LRRK2: variants seen among roughly 807,000 people sequenced by gnomAD.
LRRK2 encodes leucine rich repeat kinase 2, also known as leucine-rich repeat serine/threonine-protein kinase 2.
Under a neutral mutation model 302.6 loss-of-function variants are expected in LRRK2, and 203 were observed. That is an observed-to-expected ratio of 0.67 (90% confidence interval 0.60 to 0.75). LRRK2 has a LOEUF of 0.75. Among genes scored for constraint, LRRK2 ranks in the 30% least tolerant of loss-of-function variants. The pLI is 0.00. For missense variants in LRRK2, 2,830 were observed against 2,951.0 expected, an observed-to-expected ratio of 0.96 and a Z score of 0.95; for synonymous variants, 1,066 against 1,031.9, an observed-to-expected ratio of 1.03 and a Z score of -0.63.
intron 3 of LRRK2, 41 bp downstream of exon 3, chr12:40,232,424 T>A: frequency 7.0e-7 from 1 of 1,425,064 alleles, no homozygotes; most frequent in East Asian, 2.3e-5. Flanking sequence ...CCTTGAGTAT[T>A]TATTTGTACA....
intron 46 of LRRK2, among the ~76,000 whole-genome samples, chr12:40,358,766 T>C (rs1477572952): frequency 6.6e-6 from 1 of 152,190 alleles, no homozygotes; most frequent in Non-Finnish European, 1.5e-5. Flanking sequence ...AGAAATATCA[T>C]TGGAGCTTTC....
chr12:40,263,269 G>A (rs981562836), intron 13 of LRRK2, among the ~76,000 whole-genome samples: 2 of 152,128 alleles, frequency 1.3e-5, no homozygotes, highest in Non-Finnish European at 2.9e-5. Flanking sequence ...TTTTAAAATA[G>A]CAATGCTATT....
intron 2 of LRRK2, 130 bp downstream of exon 2, chr12:40,225,770 A>G (rs967917787): frequency 1.3e-6 from 1 of 748,252 alleles, no homozygotes; most frequent in East Asian, 2.7e-5. Flanking sequence ...TCTGACTGTG[A>G]TTTTAAGATG....
intron 2 of LRRK2, among the ~76,000 whole-genome samples, chr12:40,231,946 G>A (rs912639765): frequency 2.0e-5 from 3 of 151,706 alleles, no homozygotes; most frequent in Non-Finnish European, 4.4e-5. Context: ...TGAGATTACA[G>A]GCGCCCATCA....
Position 40,310,385 on chromosome 12 carries a change from C to A in LRRK2, c.4318-46C>A, listed in dbSNP as rs766119775. 1.9e-5 allele frequency: 30 copies of A among 1,579,028 alleles called. No individual in the cohort carries two copies. The Admixed American group carries it at 3.3e-4, about 18-fold the overall frequency. On this transcript the variant is annotated intron_variant, in intron 30 of 50. Coordinates refer to ENST00000298910, the MANE Select transcript of LRRK2 (RefSeq NM_198578.4). ...AATATCAACAGGAATGTGAGCAGGC[C>A]CAGTTTGAAAGCAAACACAAGAGGG...
In LRRK2 at chr12:40,346,855, G is replaced by A. The variant is rs199672415; in HGVS notation, c.6212G>A (p.Gly2071Asp). Reference protein sequence around the residue: ...LLLYDILTTGGRIVEGLKFPN... With the variant: ...LLLYDILTTGDRIVEGLKFPN... ...CTCTATGACATTTTGACAACTGGAG[G>A]TAGAATAGTAGAGGGTTTGAAGTTT... The change falls in exon 42 of 51, where the codon GGT (glycine) becomes GAT (aspartate). Residue 2071 changes from glycine to aspartate, a missense_variant. Transcript: ENST00000298910. 23 of 1,613,692 alleles carry A rather than the reference G, an allele frequency of 1.4e-5. No homozygotes were observed. In the African/African-American group the frequency reaches 2.7e-4, roughly 19 times the overall value.
At chr12:40,252,830 G>A (rs2136485037) in intron 10 of LRRK2, 80 bp from the exon 11 acceptor site, 2 of 893,292 alleles carry the variant, frequency 2.2e-6, no homozygotes, top group South Asian at 1.3e-5. Context: ...TGTTGTTAGA[G>A]ATATTTGATA....
Position 40,238,118 on chromosome 12 carries a change from CA to C in LRRK2, c.571+18del, listed in dbSNP as rs1324794433. 2 of 1,611,766 alleles carry C rather than the reference CA, an allele frequency of 1.2e-6. No homozygotes were observed. Among genetic ancestry groups the C allele is most frequent in the Non-Finnish European group, 1.7e-6 (2 of 1,178,916 alleles). On this transcript the variant is annotated intron_variant, in intron 5 of 50. Coordinates refer to ENST00000298910, the MANE Select transcript of LRRK2 (RefSeq NM_198578.4). ...GTTTGAGAGAGGTATTTTAAAATGT[CA>C]AATTCCTTAAAGTATATATAAGAAA... is the stretch of plus-strand genomic sequence containing the variant.
intron 38 of LRRK2, among the ~76,000 whole-genome samples, chr12:40,326,340 G>C (rs763033610): frequency 2.7e-4 from 41 of 151,740 alleles, no homozygotes; most frequent in South Asian, 2.1e-4. Flanking sequence ...GGTGTGGGCG[G>C]CTGTAGTCCC....
chr12:40,365,017 A>G lies in LRRK2; in HGVS notation c.7357A>G (p.Asn2453Asp). 6.2e-7 allele frequency: 1 copy of G among 1,612,530 alleles called. No homozygotes were observed. Among genetic ancestry groups the G allele is most frequent in the Non-Finnish European group, 8.5e-7 (1 of 1,178,952 alleles). Residue 2453 changes from asparagine to aspartate, a missense_variant, in exon 49 of 51, where the codon AAT becomes GAT. By Grantham distance (23) the Asn-to-Asp change is conservative. Coordinates refer to ENST00000298910, the MANE Select transcript of LRRK2 (RefSeq NM_198578.4). ...TATACGTGTAATTTACAACTTTTGT[A>G]ATTCGGTCAGAGTCATGATGACAGC... The part of the protein sequence containing the change: ...RLIRVIYNFC[N>D]SVRVMMTAQL...
In LRRK2 at chr12:40,354,384, C is replaced by G. The variant is rs1242487085; in HGVS notation, c.6662C>G (p.Ser2221Cys). Residue 2221 changes from serine (S) to cysteine (C), a missense_variant, in exon 45 of 51, where the codon TCT (serine) becomes TGT (cysteine). Physicochemically the swap from Ser to Cys is moderately radical, Grantham distance 112. Transcript: ENST00000298910. The stretch of plus-strand genomic sequence containing the variant: ...AGCTGGATTGTGTCTGGGACACAGT[C>G]TGGTACTCTCCTGGTCATCAATACC... Reference protein sequence around the residue: ...KESWIVSGTQSGTLLVINTED... With the variant: ...KESWIVSGTQCGTLLVINTED... 6.2e-7 allele frequency: 1 copy of G among 1,614,058 alleles called. No individual in the cohort carries two copies. The highest frequency in any genetic ancestry group is 8.5e-7 in the Non-Finnish European group (1 of 1,179,966).
At chr12:40,226,717 A>G (rs1253710242) in intron 2 of LRRK2, among the ~76,000 whole-genome samples, 1 of 152,214 alleles carries the variant, frequency 6.6e-6, no homozygotes, top group Non-Finnish European at 1.5e-5. Flanking sequence ...CCAAGAAAAG[A>G]TGGAGGCATA....
chr12:40,252,712 T>A (rs565848657), intron 10 of LRRK2, among the ~76,000 whole-genome samples, 198 bp from the exon 11 acceptor site: 2 of 152,240 alleles, frequency 1.3e-5, no homozygotes, highest in South Asian at 2.1e-4. Context: ...TGAAAAAGCA[T>A]AAAAATACTA....
At chr12:40,297,125 T>A (rs977307552) in intron 23 of LRRK2, among the ~76,000 whole-genome samples, 2 of 152,212 alleles carry the variant, frequency 1.3e-5, no homozygotes, top group African/African-American at 4.8e-5. Flanking sequence ...CCTAGTGAGA[T>A]CTGACATATG....
chr12:40,317,011 G>GGGTA (rs1945245723), intron 33 of LRRK2, among the ~76,000 whole-genome samples: 1 of 151,940 alleles, frequency 6.6e-6, no homozygotes, highest in African/African-American at 2.4e-5. Flanking sequence ...ACATTAGGAT[G>GGGTA]GGTATATCTT....
In LRRK2 at chr12:40,264,021, C is replaced by G; in HGVS notation, c.1656+120C>G. 4.2e-6 allele frequency: 3 copies of G among 718,626 alleles called. No homozygotes were observed. The South Asian group carries it at 4.9e-5, about 12-fold the overall frequency. 44.5% of individuals were successfully genotyped at this position (718,626 alleles called of 1,614,324 possible). A position where few individuals can be genotyped will look rare whatever the true frequency, so the allele number is the denominator to read the frequency against. On this transcript the variant is annotated intron_variant, in intron 14 of 50. Coordinates refer to ENST00000298910, the MANE Select transcript of LRRK2 (RefSeq NM_198578.4). The stretch of plus-strand genomic sequence containing the variant: ...TCCGTTTGCTATGATAGGAGGAAGT[C>G]ATGTGGTTAGAGACATAAGATGACA...
At chr12:40,306,452 C>T (rs539974283) in intron 28 of LRRK2, among the ~76,000 whole-genome samples, 1 of 152,150 alleles carries the variant, frequency 6.6e-6, no homozygotes, top group Admixed American at 6.6e-5. Flanking sequence ...TTTGAAAGCA[C>T]CAAAACTTCT....
intron 46 of LRRK2, among the ~76,000 whole-genome samples, chr12:40,357,519 T>G (rs1946575294): frequency 6.6e-6 from 1 of 152,186 alleles, no homozygotes; most frequent in Non-Finnish European, 1.5e-5. Context: ...AAATCACCAT[T>G]TTGTTTTCCG....
Position 40,335,068 on chromosome 12 carries a change from T to C in LRRK2, c.5859T>C (p.Gly1953=), listed in dbSNP as rs1380902544. The C allele has an allele frequency of 1.2e-6, 2 of 1,613,888 alleles. No homozygotes were observed. Among genetic ancestry groups the C allele is most frequent in the Non-Finnish European group, 1.7e-6 (2 of 1,179,966 alleles). The change falls in exon 40 of 51, where the codon GGT becomes GGC. Residue 1953 remains glycine, a synonymous_variant. Coordinates refer to ENST00000298910, the MANE Select transcript of LRRK2 (RefSeq NM_198578.4). ...TGGTGATGGAGTTAGCCTCCAAGGG[T>C]TCCTTGGATCGCCTGCTTCAGCAGG... ...RMLVMELASK[G]SLDRLLQQDK...
Sources: gnomAD v4.1 joint callset for allele counts (sites outside exome capture counted in the v4.1 genomes callset) on GRCh38, gnomAD v4.1.1 for gene constraint, MANE v1.5 for transcripts, NCBI Gene and HGNC (gene_info 2026-07-23, HGNC 2026-07-21) for gene names.